The following HEMK2 variants were observed in gnomAD, a reference collection of about 807,000 sequenced individuals.
HEMK2 encodes HemK methyltransferase 2, ETF1 glutamine and histone H4 lysine, also known as methyltransferase HEMK2.
At chr21:28,761,936 C>T in the HEMK2 span, among the ~76,000 whole-genome samples, 1 of 152,010 alleles carries the variant, frequency 6.6e-6, no homozygotes, top group Non-Finnish European at 1.5e-5. Context: ...AATGAGATCA[C>T]TAGACTGAGG....
the HEMK2 span, among the ~76,000 whole-genome samples, chr21:28,828,252 C>T: frequency 1.4e-4 from 22 of 152,082 alleles, no homozygotes; most frequent in Non-Finnish European, 8.8e-5. Context: ...TTTAAAACCC[C>T]GTGACACAGT....
At chr21:28,809,088 G>A in the HEMK2 span, among the ~76,000 whole-genome samples, 1 of 152,100 alleles carries the variant, frequency 6.6e-6, no homozygotes, top group Admixed American at 6.6e-5. Flanking sequence ...GCTCTATAGA[G>A]GTGACATATT....
At chr21:28,862,510 G>A in the HEMK2 span, among the ~76,000 whole-genome samples, 1 of 145,288 alleles carries the variant, frequency 6.9e-6, no homozygotes, top group South Asian at 2.1e-4. Context: ...GCGGTGGCGG[G>A]CGCCTGTAGT....
chr21:28,752,113 G>T, the HEMK2 span, among the ~76,000 whole-genome samples: 1 of 152,184 alleles, frequency 6.6e-6, no homozygotes, highest in Non-Finnish European at 1.5e-5. Flanking sequence ...TAAAATTAAA[G>T]TATCATGTGA....
At chr21:28,664,494 C>T in the HEMK2 span, among the ~76,000 whole-genome samples, 1 of 152,162 alleles carries the variant, frequency 6.6e-6, no homozygotes, top group South Asian at 2.1e-4. Context: ...CAAATTAGCA[C>T]TTTACTTACA....
At chr21:28,795,980 C>A in the HEMK2 span, among the ~76,000 whole-genome samples, 1 of 152,152 alleles carries the variant, frequency 6.6e-6, no homozygotes, top group Non-Finnish European at 1.5e-5. Context: ...TCTCTAGCCG[C>A]TAGCTACTGT....
chr21:28,673,014 GAAAGA>G, the HEMK2 span, among the ~76,000 whole-genome samples: 1 of 144,744 alleles, frequency 6.9e-6, no homozygotes, highest in South Asian at 2.1e-4. Context: ...AAGAAAGAAA[GAAAGA>G]AAGAAAGAGA....
chr21:28,709,169 G>T, the HEMK2 span, among the ~76,000 whole-genome samples: 1 of 151,968 alleles, frequency 6.6e-6, no homozygotes, highest in Non-Finnish European at 1.5e-5. Context: ...GGCCTTCATT[G>T]TCCTAATACC....
At chr21:28,695,736 C>T in the HEMK2 span, among the ~76,000 whole-genome samples, 56 of 151,046 alleles carry the variant, frequency 3.7e-4, no homozygotes, top group African/African-American at 1.3e-3. Flanking sequence ...ATCTCATGTC[C>T]TCAAATTTCA....
chr21:28,642,494 T>A, the HEMK2 span, among the ~76,000 whole-genome samples: 1 of 152,204 alleles, frequency 6.6e-6, no homozygotes, highest in Non-Finnish European at 1.5e-5. Context: ...ACCAATCCTC[T>A]TTCAGCTCTG....
the HEMK2 span, among the ~76,000 whole-genome samples, chr21:28,695,574 A>G: frequency 6.6e-6 from 1 of 151,992 alleles, no homozygotes; most frequent in Non-Finnish European, 1.5e-5. Flanking sequence ...ATCATATCTC[A>G]TGAGACTTAT....
the HEMK2 span, among the ~76,000 whole-genome samples, chr21:28,603,542 GATATAT>G: frequency 2.1e-5 from 2 of 93,680 alleles, no homozygotes; most frequent in African/African-American, 8.1e-5. Context: ...TTTTACTGAG[GATATAT>G]ATGTGTGTGT....
chr21:28,683,767 A>G, the HEMK2 span, among the ~76,000 whole-genome samples: 2 of 152,354 alleles, frequency 1.3e-5, no homozygotes, highest in South Asian at 4.1e-4. Context: ...ACAATTTTAA[A>G]TAGTGAAAAA....
chr21:28,700,283 T>C, the HEMK2 span, among the ~76,000 whole-genome samples: 1 of 152,212 alleles, frequency 6.6e-6, no homozygotes, highest in African/African-American at 2.4e-5. Context: ...TAATCAATGG[T>C]ATTTGAAGTA....
chr21:28,692,264 A>T, the HEMK2 span, among the ~76,000 whole-genome samples: 4 of 152,156 alleles, frequency 2.6e-5, no homozygotes, highest in African/African-American at 7.2e-5. Context: ...TCAGCAAGAG[A>T]CTAGTATCCA....
chr21:28,732,886 C>A, the HEMK2 span, among the ~76,000 whole-genome samples: 1 of 152,152 alleles, frequency 6.6e-6, no homozygotes, highest in South Asian at 2.1e-4. Context: ...TAAAATTTTG[C>A]TTGTCGGTAA....
the HEMK2 span, among the ~76,000 whole-genome samples, chr21:28,784,880 C>G: frequency 6.6e-6 from 1 of 152,208 alleles, no homozygotes; most frequent in Non-Finnish European, 1.5e-5. Flanking sequence ...TTTGTTCTTT[C>G]ACTCTTTGCA....
At chr21:28,871,991 A>G in the HEMK2 span, among the ~76,000 whole-genome samples, 1 of 152,194 alleles carries the variant, frequency 6.6e-6, no homozygotes, top group African/African-American at 2.4e-5. Flanking sequence ...TCTTAACTTG[A>G]TTACATCTGC....
At chr21:28,711,580 G>A in the HEMK2 span, among the ~76,000 whole-genome samples, 1 of 152,132 alleles carries the variant, frequency 6.6e-6, no homozygotes, top group Admixed American at 6.6e-5. Flanking sequence ...TTTAGAACCT[G>A]TTGATCTAGA....
Sources: allele counts gnomAD v4.1 joint callset (sites outside exome capture counted in the v4.1 genomes callset), GRCh38; gene constraint gnomAD v4.1.1; transcripts MANE v1.5; gene names NCBI Gene and HGNC (gene_info 2026-07-23, HGNC 2026-07-21).